The following DAPK1 variants were observed in gnomAD, a reference collection of about 807,000 sequenced individuals.
The protein encoded by DAPK1 is death associated protein kinase 1, also known as death-associated protein kinase 1.
In DAPK1, 56 loss-of-function variants were observed where a neutral mutation model predicts 144.9. That is an observed-to-expected ratio of 0.39 (90% CI 0.31 to 0.48). The LOEUF (loss-of-function observed/expected upper bound fraction) is 0.48. Among genes scored for constraint, DAPK1 ranks in the 20% least tolerant of loss-of-function variants. The pLI, the probability that DAPK1 is intolerant of heterozygous loss-of-function variation, is 0.95. For missense variants in DAPK1, 1,454 were observed against 1,875.4 expected, an observed-to-expected ratio of 0.78 and a Z score of 4.15; for synonymous variants, 690 against 749.0, an observed-to-expected ratio of 0.92 and a Z score of 1.29.
rs1479365068 is a variant in DAPK1 at position 87,538,261 on chromosome 9, A to AT, written c.62+39127dup. ...GGAGTCCATTTATTCTTAAAGAAAG[A>AT]TTTTTCCCTTTAATTATCAAACTAA... On this transcript the variant is annotated intron_variant, in intron 2 of 25. Coordinates refer to ENST00000408954, the MANE Select transcript of DAPK1 (RefSeq NM_004938.4). Among the ~76,000 whole-genome samples, 5 of 152,138 alleles carry AT rather than the reference A, an allele frequency of 3.3e-5. No homozygotes were observed. The South Asian group carries it at 6.2e-4, about 19-fold the overall frequency.
chr9:87,645,612 C>T (rs1442496042), intron 11 of DAPK1, among the ~76,000 whole-genome samples: 3 of 152,178 alleles, frequency 2.0e-5, no homozygotes, highest in African/African-American at 7.2e-5. Context: ...CAAAGGGTTA[C>T]TTATCATCAT....
chr9:87,609,063 G>C (rs36207729), intron 3 of DAPK1, among the ~76,000 whole-genome samples: 1 of 152,180 alleles, frequency 6.6e-6, no homozygotes, highest in Non-Finnish European at 1.5e-5. Flanking sequence ...GTCAATCTGC[G>C]GGAGGCCCGA....
At chr9:87,519,289 A>C (rs1301935874) in intron 2 of DAPK1, among the ~76,000 whole-genome samples, 2 of 152,216 alleles carry the variant, frequency 1.3e-5, no homozygotes, top group Non-Finnish European at 2.9e-5. Context: ...TGCCCCTATA[A>C]AAAGACTGCT....
intron 2 of DAPK1, among the ~76,000 whole-genome samples, chr9:87,568,239 C>T (rs191761489): frequency 1.2e-4 from 18 of 152,332 alleles, no homozygotes; most frequent in African/African-American, 2.2e-4. Context: ...GCCTGCAGGC[C>T]GTGGGCCAAC....
At chr9:87,534,802 G>A (rs1160814461) in intron 2 of DAPK1, among the ~76,000 whole-genome samples, 3 of 152,006 alleles carry the variant, frequency 2.0e-5, no homozygotes, top group East Asian at 1.9e-4. Flanking sequence ...GTGCCACCAC[G>A]CCTGGCTAAC....
At chr9:87,670,549 T>C (rs4878117) in intron 19 of DAPK1, among the ~76,000 whole-genome samples, 63,055 of 151,912 alleles carry the variant, frequency 0.42, 15,102 homozygotes, top group South Asian at 0.58. Context: ...TGGTCAGGTG[T>C]GCTCAGGTTT....
intron 2 of DAPK1, among the ~76,000 whole-genome samples, chr9:87,533,838 T>G (rs1825777209): frequency 6.6e-6 from 1 of 152,174 alleles, no homozygotes; most frequent in African/African-American, 2.4e-5. Flanking sequence ...AATTTTTGTA[T>G]TTTGAGTTGA....
chr9:87,670,668 C>A (rs1831220578), intron 19 of DAPK1, among the ~76,000 whole-genome samples: 1 of 152,168 alleles, frequency 6.6e-6, no homozygotes, highest in Non-Finnish European at 1.5e-5. Context: ...TCAGCTCACA[C>A]AGCGCCAGCA....
chr9:87,562,248 G>A (rs1044544003), intron 2 of DAPK1, among the ~76,000 whole-genome samples: 1 of 152,200 alleles, frequency 6.6e-6, no homozygotes, highest in East Asian at 1.9e-4. Context: ...GTTAGGATGG[G>A]CAAAGTCATG....
intron 20 of DAPK1, among the ~76,000 whole-genome samples, chr9:87,684,540 A>C (rs373202093): frequency 5.3e-5 from 8 of 152,336 alleles, no homozygotes; most frequent in African/African-American, 1.9e-4. Context: ...GCTCCCAGCC[A>C]GGAGACCGGA....
At chr9:87,633,591 T>G (rs1238533753) in intron 3 of DAPK1, among the ~76,000 whole-genome samples, 1 of 152,144 alleles carries the variant, frequency 6.6e-6, no homozygotes, top group African/African-American at 2.4e-5. Flanking sequence ...CCAGTCTTGA[T>G]CAGTCACTAC....
intron 2 of DAPK1, among the ~76,000 whole-genome samples, chr9:87,560,044 G>A (rs530027275): frequency 6.8e-6 from 1 of 147,874 alleles, no homozygotes; most frequent in Non-Finnish European, 1.5e-5. Context: ...TTGCTCTGTC[G>A]CCCAGGCTCG....
intron 23 of DAPK1, 142 bp from the exon 24 acceptor site, chr9:87,699,975 G>A (rs1825403100): frequency 1.5e-6 from 1 of 661,894 alleles, no homozygotes; most frequent in Admixed American, 2.5e-5. Context: ...ACCAACAGCA[G>A]GGATGGGGAG....
At chr9:87,697,312 G>C in intron 22 of DAPK1, 108 bp downstream of exon 22, 1 of 680,352 alleles carries the variant, frequency 1.5e-6, no homozygotes, top group Non-Finnish European at 2.7e-6. Context: ...TGCTGGCCTT[G>C]CACCAGGCCA....
chr9:87,562,538 A>G (rs374390760), intron 2 of DAPK1, among the ~76,000 whole-genome samples: 10 of 152,170 alleles, frequency 6.6e-5, no homozygotes, highest in African/African-American at 2.4e-4. Flanking sequence ...AAAGGAGAGG[A>G]CCCTGAAATA....
chr9:87,649,116 A>C lies in DAPK1; in HGVS notation c.1428+237A>C, dbSNP rs114852122. On this transcript the variant is annotated intron_variant, in intron 15 of 25. Transcript: ENST00000408954. ...CATTCATGCATTCAATCTGCTGAAC[A>C]GCCCTATGAGGTGGATTACTGTTAT... Among the ~76,000 whole-genome samples the C allele has an allele frequency of 2.3e-3, 347 of 152,310 alleles. 1 individual carries two copies. Among genetic ancestry groups the C allele is most frequent in the African/African-American group, 8.0e-3 (332 of 41,580 alleles).
chr9:87,707,092 G>A lies in DAPK1; in HGVS notation c.4021G>A (p.Ala1341Thr), dbSNP rs764428036. The A allele has an allele frequency of 3.7e-6, 6 of 1,614,022 alleles. No homozygotes were observed. The highest frequency in any genetic ancestry group is 4.2e-6 in the Non-Finnish European group (5 of 1,179,960). ...AMNLGLPDLV[A>T]KYNTSNGAPK... is the part of the protein sequence containing the mutation. ...GAACTTAGGCCTCCCTGACCTCGTG[G>A]CAAAGTACAACACCAGTAACGGGGC... The change falls in exon 26 of 26, where the codon GCA becomes ACA. Residue 1341 changes from alanine (A) to threonine (T), a missense_variant. Ala to Thr is a moderately conservative substitution (Grantham distance 58). Transcript: ENST00000408954. This position sits in a 1 kb window ranked among gnomAD's most constrained non-coding sequence, Gnocchi z 4.0.
At chr9:87,520,278 T>C (rs186640658) in intron 2 of DAPK1, among the ~76,000 whole-genome samples, 214 of 152,238 alleles carry the variant, frequency 1.4e-3, no homozygotes, top group African/African-American at 5.0e-3. Flanking sequence ...GTGCTGAGGG[T>C]TCAGGAGCCT....
At chr9:87,668,734 G>A (rs1831149097) in intron 19 of DAPK1, 60 bp downstream of exon 19, 1 of 883,166 alleles carries the variant, frequency 1.1e-6, no homozygotes, top group Admixed American at 1.7e-5. Flanking sequence ...AAAAGTCTCA[G>A]TCTTTTTCCT....
Sources: allele counts gnomAD v4.1 joint callset (sites outside exome capture counted in the v4.1 genomes callset), GRCh38; gene constraint gnomAD v4.1.1; non-coding constraint Gnocchi (gnomAD v3.1); transcripts MANE v1.5; gene names NCBI Gene and HGNC (gene_info 2026-07-23, HGNC 2026-07-21).